The following BPIFB4 variants were observed in gnomAD, a reference collection of about 807,000 sequenced individuals.
The protein encoded by BPIFB4 is BPI fold containing family B member 4.
Under a neutral mutation model 69.2 loss-of-function variants are expected in BPIFB4, and 62 were observed. That is an observed-to-expected ratio of 0.90 (90% confidence interval 0.73 to 1.11). BPIFB4 has a LOEUF of 1.11. BPIFB4 is among the 50% of genes least tolerant of loss of function. The probability of loss-of-function intolerance (pLI) is 0.00; values close to 1 mark genes in which losing one functional copy is unlikely to be tolerated. For synonymous variants in BPIFB4, 330 were observed against 332.7 expected, an observed-to-expected ratio of 0.99 and a Z score of 0.09; for missense variants, 789 against 792.0, an observed-to-expected ratio of 1.00 and a Z score of 0.04.
At chr20:33,100,571 T>C (rs1981882211) in intron 14 of BPIFB4, 78 bp downstream of exon 14, 4 of 1,379,936 alleles carry the variant, frequency 2.9e-6, no homozygotes, top group Non-Finnish European at 4.1e-6. Flanking sequence ...CGGGTAGAGG[T>C]CTCCTGTGTG....
At chr20:33,092,304 A>C (rs1981622433) in intron 10 of BPIFB4, among the ~76,000 whole-genome samples, 154 bp from the exon 11 acceptor site, 1 of 152,162 alleles carries the variant, frequency 6.6e-6, no homozygotes, top group African/African-American at 2.4e-5. Flanking sequence ...AAACTGGAGG[A>C]GAGTGGGGAC....
At chr20:33,100,320 C>A in intron 13 of BPIFB4, 106 bp from the exon 14 acceptor site, 2 of 913,068 alleles carry the variant, frequency 2.2e-6, no homozygotes, top group Non-Finnish European at 1.7e-6. Flanking sequence ...CCATCATGCT[C>A]AGGGTTAACG....
chr20:33,107,166 TG>T (rs1217904638), intron 16 of BPIFB4, among the ~76,000 whole-genome samples: 2 of 144,536 alleles, frequency 1.4e-5, no homozygotes, highest in Non-Finnish European at 3.0e-5. Flanking sequence ...ATCGTGCCTC[TG>T]CGCTCCAGCT....
chr20:33,085,131 G>T (rs1019235172), intron 6 of BPIFB4, 135 bp downstream of exon 6: 2 of 1,461,726 alleles, frequency 1.4e-6, no homozygotes, highest in Non-Finnish European at 1.8e-6. Flanking sequence ...ATCTGTCAGC[G>T]GTGAAAACAG....
intron 3 of BPIFB4, 98 bp downstream of exon 3, chr20:33,081,730 T>C: frequency 6.7e-7 from 1 of 1,496,618 alleles, no homozygotes; most frequent in Admixed American, 2.2e-5. Flanking sequence ...CTAGCAGAGT[T>C]CACATCGGGA....
Position 33,083,790 on chromosome 20 carries a change from G to A in BPIFB4, c.593G>A (p.Gly198Asp). 1 of 1,613,810 alleles carries A rather than the reference G, an allele frequency of 6.2e-7. No homozygotes were observed. Among genetic ancestry groups the A allele is most frequent in the Non-Finnish European group, 8.5e-7 (1 of 1,179,782 alleles). Residue 198 changes from glycine (G) to aspartate (D), a missense_variant, in exon 5 of 18, where the codon GGT becomes GAT. By Grantham distance (94) the Gly-to-Asp change is moderately conservative. Transcript: ENST00000375483. Reference protein sequence around the residue: ...GGLLGGGGLLGDGGLLGGGGV... With the variant: ...GGLLGGGGLLDDGGLLGGGGV... ...CTGCTCGGCGGAGGTGGTCTCCTTG[G>A]TGATGGAGGACTTCTTGGAGGAGGG... is the stretch of plus-strand genomic sequence containing the variant.
intron 15 of BPIFB4, 120 bp from the exon 16 acceptor site, chr20:33,104,690 A>ATAG: frequency 1.1e-6 from 1 of 894,504 alleles, no homozygotes; most frequent in East Asian, 2.6e-5. Context: ...GACTGCCAGA[A>ATAG]CCTAGACTCT....
chr20:33,084,654 C>A (rs1981362971), intron 5 of BPIFB4, among the ~76,000 whole-genome samples: 1 of 152,176 alleles, frequency 6.6e-6, no homozygotes, highest in African/African-American at 2.4e-5. Flanking sequence ...AGAAAAGATT[C>A]AAAGGAAATA....
intron 5 of BPIFB4, 100 bp downstream of exon 5, chr20:33,083,974 G>A: frequency 7.3e-7 from 1 of 1,363,546 alleles, no homozygotes. Flanking sequence ...GGTCTTCAGA[G>A]CCCCACACAC....
chr20:33,109,190 T>C (rs945650970), intron 17 of BPIFB4, among the ~76,000 whole-genome samples: 3 of 152,200 alleles, frequency 2.0e-5, no homozygotes, highest in Admixed American at 6.5e-5. Context: ...ATACAGTTTG[T>C]GGTGAGAAAT....
chr20:33,098,985 C>CTT (rs765813463), intron 13 of BPIFB4, among the ~76,000 whole-genome samples: 4 of 141,516 alleles, frequency 2.8e-5, no homozygotes, highest in African/African-American at 5.2e-5. Flanking sequence ...CCCTTACTTC[C>CTT]TTTTTTTTTT....
intron 17 of BPIFB4, among the ~76,000 whole-genome samples, chr20:33,108,146 T>C (rs757490783): frequency 1.6e-4 from 25 of 152,176 alleles, no homozygotes; most frequent in Non-Finnish European, 2.9e-4. Flanking sequence ...GCAACTTTTA[T>C]TGAGCACCTA....
intron 17 of BPIFB4, among the ~76,000 whole-genome samples, chr20:33,108,936 C>G (rs1366842205): frequency 2.0e-5 from 3 of 152,124 alleles, no homozygotes; most frequent in Non-Finnish European, 4.4e-5. Context: ...GGAAATTGCC[C>G]CCTCACATTT....
chr20:33,102,995 C>T lies in BPIFB4; in HGVS notation c.1661C>T (p.Ser554Leu). Residue 554 changes from serine to leucine, a missense_variant, in exon 15 of 18, where the codon TCA (serine) becomes TTA (leucine). This residue lies in a region of BPIFB4 where 170 missense variants were observed against 193.6 expected (regional missense o/e 0.88). Transcript: ENST00000375483. ...LEKTSLNLRTSNVGNFDIGLM... is the reference protein window; with the variant it reads ...LEKTSLNLRTLNVGNFDIGLM... ...AGGACCAGCCTCAACCTCAGAACCT[C>T]AAACGTGGGCAACTTTGATGTAAGT... 1 of 1,614,152 alleles carries T rather than the reference C, an allele frequency of 6.2e-7. No homozygotes were observed. The highest frequency in any genetic ancestry group is 8.5e-7 in the Non-Finnish European group (1 of 1,179,996).
At chr20:33,081,688 C>T (rs971242283) in intron 3 of BPIFB4, 56 bp downstream of exon 3, 4 of 1,540,912 alleles carry the variant, frequency 2.6e-6, no homozygotes, top group Non-Finnish European at 3.5e-6. Context: ...GGCAGCTCTG[C>T]CAACTCTGAA....
chr20:33,082,671 A>G (rs372233470), intron 3 of BPIFB4, among the ~76,000 whole-genome samples: 3 of 152,322 alleles, frequency 2.0e-5, no homozygotes, highest in Admixed American at 1.3e-4. Flanking sequence ...CAGAGCACTT[A>G]GAAGGGAGGG....
chr20:33,107,950 T>G (rs1013832433), intron 17 of BPIFB4, 130 bp downstream of exon 17: 10 of 774,900 alleles, frequency 1.3e-5, no homozygotes, highest in African/African-American at 1.7e-5. Context: ...CAGGGTCCTC[T>G]TCCTTCCAAG....
chr20:33,098,038 AT>A (rs1981804879), intron 13 of BPIFB4, among the ~76,000 whole-genome samples: 1 of 152,160 alleles, frequency 6.6e-6, no homozygotes, highest in African/African-American at 2.4e-5. Context: ...TTTGCTTGGC[AT>A]TTCCTTCTGA....
intron 5 of BPIFB4, among the ~76,000 whole-genome samples, 179 bp from the exon 6 acceptor site, chr20:33,084,713 G>A (rs1981365022): frequency 6.6e-6 from 1 of 152,208 alleles, no homozygotes; most frequent in South Asian, 2.1e-4. Flanking sequence ...ACAGGTCATG[G>A]CATTTTTGCC....
Sources: allele counts gnomAD v4.1 joint callset (sites outside exome capture counted in the v4.1 genomes callset), GRCh38; gene constraint gnomAD v4.1.1; regional missense constraint gnomAD v4.1.1; transcripts MANE v1.5; gene names NCBI Gene and HGNC (gene_info 2026-07-23, HGNC 2026-07-21).